The following KATNIP variants were observed in gnomAD, a reference collection of about 807,000 sequenced individuals.
KATNIP encodes the protein katanin-interacting protein.
Under a neutral mutation model 174.0 loss-of-function variants are expected in KATNIP, and 126 were observed. The ratio of observed to expected loss-of-function variants is 0.72; its 90% confidence interval spans 0.63 to 0.84. The LOEUF is 0.84. Ranked by LOEUF, KATNIP falls within the 40% of genes least tolerant of loss-of-function variation. The pLI is 0.00. For synonymous variants in KATNIP, 810 were observed against 835.7 expected, an observed-to-expected ratio of 0.97 and a Z score of 0.53; for missense variants, 1,958 against 2,109.7, an observed-to-expected ratio of 0.93 and a Z score of 1.41.
intron 6 of KATNIP, among the ~76,000 whole-genome samples, chr16:27,664,206 T>C (rs575736877): frequency 6.6e-6 from 1 of 152,214 alleles, no homozygotes; most frequent in Non-Finnish European, 1.5e-5. Flanking sequence ...TTGTATTAGT[T>C]TCTAATTTGG....
At chr16:27,730,147 G>A (rs1756487062) in intron 14 of KATNIP, among the ~76,000 whole-genome samples, 1 of 152,246 alleles carries the variant, frequency 6.6e-6, no homozygotes, top group Non-Finnish European at 1.5e-5. Context: ...ATGACTCACA[G>A]CTGTCACAGC....
intron 8 of KATNIP, 30 bp downstream of exon 8, chr16:27,681,560 G>A (rs769837845): frequency 6.2e-7 from 1 of 1,613,554 alleles, no homozygotes; most frequent in Admixed American, 1.7e-5. Flanking sequence ...CTGAGCAGGG[G>A]AGCAGGGCTG....
At chr16:27,721,151 G>A (rs1270099621) in intron 13 of KATNIP, among the ~76,000 whole-genome samples, 1 of 152,112 alleles carries the variant, frequency 6.6e-6, no homozygotes, top group East Asian at 1.9e-4. Context: ...ATTCATCAGG[G>A]TTTTACAAAA....
At chr16:27,558,195 G>A (rs1310624784) in intron 1 of KATNIP, among the ~76,000 whole-genome samples, 1 of 152,080 alleles carries the variant, frequency 6.6e-6, no homozygotes, top group Non-Finnish European at 1.5e-5. Context: ...ACCCAGGCTG[G>A]AGTGCAGTGG....
chr16:27,561,809 C>A (rs771837435), intron 1 of KATNIP, among the ~76,000 whole-genome samples: 3 of 152,190 alleles, frequency 2.0e-5, no homozygotes, highest in African/African-American at 7.2e-5. Flanking sequence ...TGACAGATGT[C>A]GCCTAGGGTC....
intron 5 of KATNIP, among the ~76,000 whole-genome samples, chr16:27,642,769 A>ATTT (rs143123046): frequency 9.6e-5 from 12 of 125,578 alleles, no homozygotes; most frequent in Non-Finnish European, 1.4e-4. Context: ...TTTTTAAAAA[A>ATTT]TTTTTTTTTT....
intron 13 of KATNIP, among the ~76,000 whole-genome samples, chr16:27,713,877 T>A: frequency 8.6e-6 from 1 of 116,262 alleles, no homozygotes; most frequent in African/African-American, 3.1e-5. Flanking sequence ...ATTGTGCCCT[T>A]CCCCTACTTG....
chr16:27,721,561 A>C lies in KATNIP; in HGVS notation c.1609A>C (p.Lys537Gln). The change falls in exon 14 of 28, where the codon AAG becomes CAG. Residue 537 changes from lysine (K) to glutamine (Q), a missense_variant. Coordinates refer to ENST00000261588, the MANE Select transcript of KATNIP (RefSeq NM_015202.5). ...CCTTCTCTTGCTGGCCTTCTAGGGC[A>C]AGAAAGACTCCTCCCCGTGGACCTG... ...GRLVNRNLAG[K>Q]KDSSPWTCPF... 1 of 1,614,146 alleles carries C rather than the reference A, an allele frequency of 6.2e-7. No homozygotes were observed. Among genetic ancestry groups the C allele is most frequent in the Non-Finnish European group, 8.5e-7 (1 of 1,180,024 alleles).
chr16:27,588,031 A>T (rs2141838975), intron 2 of KATNIP, among the ~76,000 whole-genome samples: 1 of 151,226 alleles, frequency 6.6e-6, no homozygotes, highest in East Asian at 2.0e-4. Context: ...GCTGGGGACT[A>T]TGGGCATATG....
At chr16:27,665,002 C>T (rs1029958197) in intron 6 of KATNIP, among the ~76,000 whole-genome samples, 10 of 152,106 alleles carry the variant, frequency 6.6e-5, no homozygotes, top group Non-Finnish European at 7.4e-5. Flanking sequence ...GAGGCTCACC[C>T]GTAGGCTGAA....
At chr16:27,775,373 G>A (rs1433158120) in intron 24 of KATNIP, among the ~76,000 whole-genome samples, 1 of 152,224 alleles carries the variant, frequency 6.6e-6, no homozygotes, top group East Asian at 1.9e-4. Flanking sequence ...TGGGCGTCCT[G>A]GGTCCCTGCA....
At chr16:27,654,817 G>A in intron 6 of KATNIP, 1 of 1,269,916 alleles carries the variant, frequency 7.9e-7, no homozygotes, top group Non-Finnish European at 1.1e-6. Flanking sequence ...GCCTTAAGAT[G>A]GACTCCGTGA....
intron 2 of KATNIP, among the ~76,000 whole-genome samples, chr16:27,608,226 C>CTTTTT (rs35752811): frequency 1.6e-4 from 18 of 109,856 alleles, no homozygotes; most frequent in Non-Finnish European, 2.1e-4. Flanking sequence ...TGGTAAAATT[C>CTTTTT]TTTTTTTTTT....
chr16:27,698,407 C>T lies in KATNIP; in HGVS notation c.1020C>T (p.Ala340=). 1.9e-6 allele frequency: 3 copies of T among 1,613,746 alleles called. No homozygotes were observed. ...LCEAEYPEED[A]SAVLQAIQVE... is the part of the protein sequence containing the mutation. ...AGGCTGAGTACCCAGAGGAAGATGCCTCTGCTGTGCTCCAAGCCATCCAGG... is the reference window on the plus strand; with the variant it reads ...AGGCTGAGTACCCAGAGGAAGATGCTTCTGCTGTGCTCCAAGCCATCCAGG... The change falls in exon 9 of 28, where the codon GCC becomes GCT. Residue 340 remains alanine (A), a synonymous_variant. Transcript: ENST00000261588.
chr16:27,598,261 G>A (rs963319284), intron 2 of KATNIP, among the ~76,000 whole-genome samples: 2 of 142,232 alleles, frequency 1.4e-5, no homozygotes, highest in African/African-American at 5.1e-5. Flanking sequence ...AAAAAAGAAT[G>A]TGCATTTGGA....
Position 27,766,372 on chromosome 16 carries a change from G to C in KATNIP, c.3873G>C (p.Pro1291=). The C allele has an allele frequency of 6.2e-7, 1 of 1,614,164 alleles. No homozygotes were observed. The highest frequency in any genetic ancestry group is 8.5e-7 in the Non-Finnish European group (1 of 1,180,030). ...DEHMWLIPFS[P]GLDHVVTIRL... ...ATATGTGGCTGATCCCCTTCTCGCC[G>C]GGGCTGGACCATGTGGTCACGATCC... The change falls in exon 20 of 28, where the codon CCG becomes CCC. Residue 1291 remains proline, a synonymous_variant. Coordinates refer to ENST00000261588, the MANE Select transcript of KATNIP (RefSeq NM_015202.5).
In KATNIP at chr16:27,777,689, G is replaced by A; in HGVS notation, c.4631G>A (p.Cys1544Tyr). ...SHLVGGILPTCEPTVPYHTIL... is the reference protein window; with the variant it reads ...SHLVGGILPTYEPTVPYHTIL... ...CTGGTGGGGGGCATCCTGCCCACAT[G>A]TGAGCCCACCGTGCCCTACCACACC... Residue 1544 changes from cysteine (C) to tyrosine (Y), a missense_variant, in exon 26 of 28, where the codon TGT becomes TAT. Physicochemically the swap from Cys to Tyr is radical, Grantham distance 194. This residue lies in a region of KATNIP where 383 missense variants were observed against 456.0 expected (regional missense o/e 0.84). Coordinates refer to ENST00000261588, the MANE Select transcript of KATNIP (RefSeq NM_015202.5). The surrounding 1 kb of genome is among the most constrained non-coding windows in gnomAD (Gnocchi z 4.4). 1 of 1,614,064 alleles carries A rather than the reference G, an allele frequency of 6.2e-7. No homozygotes were observed. The highest frequency in any genetic ancestry group is 2.2e-5 in the East Asian group (1 of 44,868).
rs530803988 is a variant in KATNIP at position 27,660,745 on chromosome 16, C to T, written c.540+12010C>T. On this transcript the variant is annotated intron_variant, in intron 6 of 27. Coordinates refer to ENST00000261588, the MANE Select transcript of KATNIP (RefSeq NM_015202.5). ...GCACTACAGCCTCAAACACCTGGCCCCAAGCCATCCCCCTCAAGTAGCTCA... is the reference window on the plus strand; with the variant it reads ...GCACTACAGCCTCAAACACCTGGCCTCAAGCCATCCCCCTCAAGTAGCTCA... Among the ~76,000 whole-genome samples the T allele has an allele frequency of 6.6e-5, 10 of 152,040 alleles. No individual in the cohort carries two copies. The South Asian group carries it at 2.1e-3, about 32-fold the overall frequency.
At chr16:27,588,011 CT>C (rs1344327124) in intron 2 of KATNIP, among the ~76,000 whole-genome samples, 1 of 151,444 alleles carries the variant, frequency 6.6e-6, no homozygotes, top group Admixed American at 6.6e-5. Context: ...TCACTTCAGC[CT>C]CCCAGGTGGC....
Sources: gnomAD v4.1 joint callset for allele counts (sites outside exome capture counted in the v4.1 genomes callset) on GRCh38, gnomAD v4.1.1 for gene constraint, gnomAD v4.1.1 regional missense constraint, Gnocchi (gnomAD v3.1) non-coding constraint, MANE v1.5 for transcripts, NCBI Gene and HGNC (gene_info 2026-07-23, HGNC 2026-07-21) for gene names.